PHC3: variants seen among roughly 807,000 people sequenced by gnomAD.
The protein encoded by PHC3 is polyhomeotic homolog 3.
Under a neutral mutation model 107.4 loss-of-function variants are expected in PHC3, and 13 were observed. The ratio of observed to expected loss-of-function variants is 0.12; its 90% confidence interval spans 0.08 to 0.19. The LOEUF (loss-of-function observed/expected upper bound fraction) is 0.19. Ranked by LOEUF, PHC3 falls within the 10% of genes least tolerant of loss-of-function variation. PHC3 has a pLI of 1.00. For missense variants in PHC3, 992 were observed against 1,210.9 expected, an observed-to-expected ratio of 0.82 and a Z score of 2.68; for synonymous variants, 456 against 427.4, an observed-to-expected ratio of 1.07 and a Z score of -0.83.
rs1464052681 is a variant in PHC3 at position 170,178,774 on chromosome 3, T to C, written c.179A>G (p.Gln60Arg). The change falls in exon 2 of 15, where the codon CAG (glutamine) becomes CGG (arginine). Residue 60 changes from glutamine (Q) to arginine (R), a missense_variant and splice_region_variant. Physicochemically the swap from Gln to Arg is conservative, Grantham distance 43. Transcript: ENST00000495893. Reference sequence around the variant, plus strand: ...TACCCATCACTACAGCTGAAATACCTGTACAGCATGTCGGTCTGAACCACT... The same window carrying C: ...TACCCATCACTACAGCTGAAATACCCGTACAGCATGTCGGTCTGAACCACT... ...VYSGSDRHAV[Q>R]VIQQALHRPP... 1.2e-6 allele frequency: 2 copies of C among 1,613,948 alleles called. No homozygotes were observed. Among genetic ancestry groups the C allele is most frequent in the South Asian group, 1.1e-5 (1 of 91,086 alleles).
At chr3:170,137,568 G>C (rs1487259513) in intron 6 of PHC3, among the ~76,000 whole-genome samples, 1 of 152,174 alleles carries the variant, frequency 6.6e-6, no homozygotes, top group African/African-American at 2.4e-5. Context: ...ATATACTGCT[G>C]CTTTATAAAA....
Position 170,113,370 on chromosome 3 carries a change from C to T in PHC3, c.2343G>A (p.Met781Ile). Residue 781 changes from methionine (M) to isoleucine (I), a missense_variant, in exon 11 of 15, where the codon ATG becomes ATA. Around this residue, in one of 6 missense-constraint regions of PHC3, gnomAD observed 228 missense variants for 288.8 expected, o/e 0.79. Coordinates refer to ENST00000495893, the MANE Select transcript of PHC3 (RefSeq NM_024947.4). ...GTGAAACCCACAAACCTTCAGCAAT[C>T]ATGTCTTCCATCTCTGTGTCAGATG... is the stretch of plus-strand genomic sequence containing the variant. ...DNSSDTEMED[M>I]IAEETLEEMD... 1 of 1,605,620 alleles carries T rather than the reference C, an allele frequency of 6.2e-7. No homozygotes were observed. Among genetic ancestry groups the T allele is most frequent in the Non-Finnish European group, 8.5e-7 (1 of 1,176,670 alleles).
At chr3:170,112,457 T>A (rs1318747034) in intron 11 of PHC3, among the ~76,000 whole-genome samples, 1 of 151,368 alleles carries the variant, frequency 6.6e-6, no homozygotes, top group East Asian at 1.9e-4. Flanking sequence ...TCTCTTGACC[T>A]TGTGATCCAC....
rs1431590657 is a variant in PHC3 at position 170,088,820 on chromosome 3, T to C, written c.*8410A>G. 1 of 152,288 alleles carries C rather than the reference T, an allele frequency of 6.6e-6. No individual in the cohort carries two copies. Among genetic ancestry groups the C allele is most frequent in the Non-Finnish European group, 1.5e-5 (1 of 68,042 alleles). The allele number at this position is 152,288 out of a possible 1,614,324, so 9.4% of individuals were successfully genotyped here. A position where few individuals can be genotyped will look rare whatever the true frequency, so the allele number is the denominator to read the frequency against. On this transcript the variant is annotated 3_prime_UTR_variant, in exon 15 of 15. Coordinates refer to ENST00000495893, the MANE Select transcript of PHC3 (RefSeq NM_024947.4). ...TCCTGTTTTCAATTAGTTTGAAAGA[T>C]TCTAATATAGATTCTAACCCAACAG...
chr3:170,151,911 G>A lies in PHC3; in HGVS notation c.415-2667C>T, dbSNP rs955427647. 3.9e-5 allele frequency among the ~76,000 whole-genome samples: 6 copies of A among 152,258 alleles called. No individual in the cohort carries two copies. In the South Asian group the frequency reaches 1.2e-3, roughly 32 times the overall value. On this transcript the variant is annotated intron_variant, in intron 4 of 14. Coordinates refer to ENST00000495893, the MANE Select transcript of PHC3 (RefSeq NM_024947.4). The stretch of plus-strand genomic sequence containing the variant: ...AACTGAATGGTGACTGGAGGAAGCT[G>A]AGTGAAGTTTATATAGGAGGACCTC...
At chr3:170,143,634 T>C (rs1724472762) in intron 6 of PHC3, among the ~76,000 whole-genome samples, 1 of 152,216 alleles carries the variant, frequency 6.6e-6, no homozygotes, top group African/African-American at 2.4e-5. Flanking sequence ...AGCAATATCA[T>C]GCAAAGTAAC....
intron 2 of PHC3, among the ~76,000 whole-genome samples, chr3:170,173,730 T>A (rs1043121853): frequency 6.6e-6 from 1 of 152,150 alleles, no homozygotes; most frequent in Non-Finnish European, 1.5e-5. Flanking sequence ...AAATAGTATA[T>A]AGAGTAAGAT....
chr3:170,175,025 T>A (rs962742597), intron 2 of PHC3, among the ~76,000 whole-genome samples: 2 of 152,208 alleles, frequency 1.3e-5, no homozygotes, highest in African/African-American at 4.8e-5. Context: ...GCACAGTCTT[T>A]CACTACTATT....
At chr3:170,170,844 A>G (rs1297589155) in intron 4 of PHC3, 1 of 152,400 alleles carries the variant, frequency 6.6e-6, no homozygotes, top group African/African-American at 2.4e-5. Context: ...ACTTGGCACA[A>G]TTTCCCAATA....
At chr3:170,120,974 G>C (rs1409427055) in intron 9 of PHC3, among the ~76,000 whole-genome samples, 2 of 152,216 alleles carry the variant, frequency 1.3e-5, no homozygotes, top group African/African-American at 4.8e-5. Flanking sequence ...ATAAATGGCT[G>C]TAGAGTTTCT....
intron 4 of PHC3, among the ~76,000 whole-genome samples, chr3:170,163,288 A>G (rs1728192202): frequency 6.6e-6 from 1 of 152,202 alleles, no homozygotes; most frequent in Non-Finnish European, 1.5e-5. Context: ...TTTCTGACAG[A>G]ATAGTACAGT....
At chr3:170,158,825 G>A (rs987023104) in intron 4 of PHC3, among the ~76,000 whole-genome samples, 1 of 151,380 alleles carries the variant, frequency 6.6e-6, no homozygotes. Context: ...TACTTGAAGG[G>A]CTGAGCAGGG....
At chr3:170,135,063 T>TTC (rs965174482) in intron 7 of PHC3, among the ~76,000 whole-genome samples, 2 of 152,184 alleles carry the variant, frequency 1.3e-5, no homozygotes, top group African/African-American at 4.8e-5. Context: ...AAACAAGTCT[T>TTC]TAAAAAGCAA....
chr3:170,119,608 G>C (rs971337128), intron 9 of PHC3, among the ~76,000 whole-genome samples: 1 of 152,116 alleles, frequency 6.6e-6, no homozygotes, highest in Non-Finnish European at 1.5e-5. Flanking sequence ...CTAGATTTAA[G>C]AGAAGTATGA....
intron 8 of PHC3, among the ~76,000 whole-genome samples, chr3:170,123,836 G>A (rs150918846): frequency 0.016 from 2,465 of 152,004 alleles, 68 homozygotes; most frequent in African/African-American, 0.057. Context: ...ACCCTGAGAA[G>A]GAGCTATGTA....
chr3:170,113,476 C>T lies in PHC3; in HGVS notation c.2237G>A (p.Arg746Gln), dbSNP rs563159292. Residue 746 changes from arginine to glutamine, a missense_variant, in exon 11 of 15, where the codon CGG becomes CAG. Around this residue, in one of 6 missense-constraint regions of PHC3, gnomAD observed 228 missense variants for 288.8 expected, o/e 0.79. Coordinates refer to ENST00000495893, the MANE Select transcript of PHC3 (RefSeq NM_024947.4). ...TATCACCTGATTATCCAAAAGAGGCCGTTTTTTCACAGGCTGTTCTATTAG... is the reference window on the plus strand; with the variant it reads ...TATCACCTGATTATCCAAAAGAGGCTGTTTTTTCACAGGCTGTTCTATTAG... ...SLLIEQPVKK[R>Q]PLLDNQVINS... 63 of 1,611,592 alleles carry T rather than the reference C, an allele frequency of 3.9e-5. No individual in the cohort carries two copies. The highest frequency in any genetic ancestry group is 5.2e-5 in the Non-Finnish European group (61 of 1,178,766).
At chr3:170,130,600 G>A (rs1181075406) in intron 7 of PHC3, among the ~76,000 whole-genome samples, 2 of 151,712 alleles carry the variant, frequency 1.3e-5, no homozygotes, top group Non-Finnish European at 2.9e-5. Context: ...CCTAAATAAG[G>A]GATTTTGTTA....
chr3:170,111,265 GGAAGGAAGGA>G (rs1717606501), intron 11 of PHC3, among the ~76,000 whole-genome samples: 1 of 21,102 alleles, frequency 4.7e-5, no homozygotes, highest in African/African-American at 2.4e-4. Flanking sequence ...ACAAGAAGAA[GGAAGGAAGGA>G]AGGAAGGAAG....
At position 170,159,274 on chromosome 3, in the gene PHC3, A is replaced by T. The variant is rs572942224; in HGVS notation, c.415-10030T>A. On this transcript the variant is annotated intron_variant, in intron 4 of 14. Coordinates refer to ENST00000495893, the MANE Select transcript of PHC3 (RefSeq NM_024947.4). ...CTCAAAAAAAAAAAAAAAAAAAAAA[A>T]TCTGATAAATAGCATAACAGAGATC... Among the ~76,000 whole-genome samples, 588 of 149,754 alleles carry T rather than the reference A, an allele frequency of 3.9e-3. 5 individuals are homozygous for T. The highest frequency in any genetic ancestry group is 0.014 in the African/African-American group (552 of 40,578).
Sources: allele counts gnomAD v4.1 joint callset (sites outside exome capture counted in the v4.1 genomes callset), GRCh38; gene constraint gnomAD v4.1.1; regional missense constraint gnomAD v4.1.1; transcripts MANE v1.5; gene names NCBI Gene and HGNC (gene_info 2026-07-23, HGNC 2026-07-21).